Variants in NCOR1 observed in about 807,000 individuals in gnomAD.
NCOR1 encodes nuclear receptor corepressor 1.
In NCOR1, 63 loss-of-function variants were observed where a neutral mutation model predicts 288.1. That is an observed-to-expected ratio of 0.22 (90% CI 0.18 to 0.27). The LOEUF (loss-of-function observed/expected upper bound fraction) is 0.27. NCOR1 is among the 10% of genes least tolerant of loss of function. The pLI, the probability that NCOR1 is intolerant of heterozygous loss-of-function variation, is 1.00. For missense variants in NCOR1, 2,397 were observed against 3,019.2 expected (o/e 0.79, Z 4.83); for synonymous variants, 1,007 against 1,065.9 (o/e 0.94, Z 1.08).
At position 16,072,635 on chromosome 17, in the gene NCOR1, G is replaced by C. The variant is rs934804716; in HGVS notation, c.3812-407C>G. On this transcript the variant is annotated intron_variant, in intron 28 of 45. Coordinates refer to ENST00000268712, the MANE Select transcript of NCOR1 (RefSeq NM_006311.4). ...ATGTATTAAATGAAACATGCAAATT[G>C]AAACGAAAGAGTTGTAAATAACCTC... 2.0e-5 allele frequency among the ~76,000 whole-genome samples: 3 copies of C among 152,162 alleles called. No individual in the cohort carries two copies. The East Asian group carries it at 5.8e-4, about 29-fold the overall frequency.
At chr17:16,114,383 C>T (rs1349995285) in intron 18 of NCOR1, among the ~76,000 whole-genome samples, 1 of 152,148 alleles carries the variant, frequency 6.6e-6, no homozygotes, top group Non-Finnish European at 1.5e-5. Flanking sequence ...GCCCCTCCCA[C>T]ATCTCATGTC....
chr17:16,155,436 A>G (rs1016064006), intron 6 of NCOR1, among the ~76,000 whole-genome samples: 3 of 152,212 alleles, frequency 2.0e-5, no homozygotes, highest in Non-Finnish European at 2.9e-5. Context: ...GCCCAACAAT[A>G]ATCACTTTTC....
chr17:16,032,302 A>G lies in NCOR1; in HGVS notation c.7317T>C (p.Asp2439=). 6.2e-7 allele frequency: 1 copy of G among 1,611,640 alleles called. No homozygotes were observed. Among genetic ancestry groups the G allele is most frequent in the Non-Finnish European group, 8.5e-7 (1 of 1,179,190 alleles). ...SAQYETLSDS[D]D The stretch of plus-strand genomic sequence containing the variant: ...TCCCCTCACTTTGTGCAGTTCAGTC[A>G]TCACTATCCGACAGGGTCTCGTACT... The change falls in exon 46 of 46, where the codon GAT becomes GAC. Residue 2439 remains aspartate, a synonymous_variant. Transcript: ENST00000268712.
chr17:16,069,473 G>A (rs2061497736), intron 31 of NCOR1, among the ~76,000 whole-genome samples: 1 of 152,188 alleles, frequency 6.6e-6, no homozygotes, highest in South Asian at 2.1e-4. Flanking sequence ...AAAATGGTAA[G>A]TGGATGCATT....
chr17:16,144,290 C>G (rs1227580790), intron 10 of NCOR1, among the ~76,000 whole-genome samples: 1 of 152,186 alleles, frequency 6.6e-6, no homozygotes, highest in African/African-American at 2.4e-5. Context: ...TTCTTACTCA[C>G]TGTCATGTCC....
At chr17:16,197,062 C>T (rs1229995158) in intron 1 of NCOR1, among the ~76,000 whole-genome samples, 2 of 151,550 alleles carry the variant, frequency 1.3e-5, no homozygotes, top group African/African-American at 2.4e-5. Flanking sequence ...AGGCCGGGCG[C>T]GGTGGCTCAC....
At chr17:16,083,555 A>C (rs1432981671) in intron 23 of NCOR1, among the ~76,000 whole-genome samples, 3 of 151,932 alleles carry the variant, frequency 2.0e-5, no homozygotes, top group Non-Finnish European at 4.4e-5. Context: ...CAATCCCAAC[A>C]AAAATCCCAG....
chr17:16,094,397 C>G (rs567549640), intron 21 of NCOR1, among the ~76,000 whole-genome samples: 1 of 152,250 alleles, frequency 6.6e-6, no homozygotes, highest in South Asian at 2.1e-4. Flanking sequence ...ACTTTTACCA[C>G]TTATTATTTG....
intron 3 of NCOR1, among the ~76,000 whole-genome samples, chr17:16,182,179 A>G (rs2085620560): frequency 6.6e-6 from 1 of 152,190 alleles, no homozygotes. Flanking sequence ...TTGGAATAGT[A>G]TTCACATAGA....
chr17:16,091,525 T>G, intron 22 of NCOR1: 4 of 1,088,440 alleles, frequency 3.7e-6, no homozygotes, highest in Non-Finnish European at 4.6e-6. Flanking sequence ...TTGAAGGTGA[T>G]TTGCTTCAAG....
In NCOR1 at chr17:16,065,584, T is replaced by C; in HGVS notation, c.4852A>G (p.Ile1618Val). The C allele has an allele frequency of 1.9e-6, 3 of 1,614,234 alleles. No homozygotes were observed. The highest frequency in any genetic ancestry group is 2.5e-6 in the Non-Finnish European group (3 of 1,180,044). The change falls in exon 33 of 46, where the codon ATT (isoleucine) becomes GTT (valine). Residue 1618 changes from isoleucine (I) to valine (V), a missense_variant. Around this residue, in one of 11 missense-constraint regions of NCOR1, gnomAD observed 1,872 missense variants for 2,187.8 expected, o/e 0.86. Coordinates refer to ENST00000268712, the MANE Select transcript of NCOR1 (RefSeq NM_006311.4). ...TTCACTTGCATCTGTTGTGAGGTAA[T>C]GTAATCATTTAAGATTGTCTGTCTT... The part of the protein sequence containing the change: ...NTRQTILNDY[I>V]TSQQMQVNLR...
intron 5 of NCOR1, among the ~76,000 whole-genome samples, chr17:16,162,057 A>C (rs541396194): frequency 1.1e-4 from 16 of 152,300 alleles, no homozygotes; most frequent in African/African-American, 2.9e-4. Context: ...TGTTGGGCAT[A>C]TAATAAAAAT....
intron 3 of NCOR1, among the ~76,000 whole-genome samples, chr17:16,182,911 AAG>A (rs1244422482): frequency 2.6e-5 from 4 of 152,152 alleles, no homozygotes; most frequent in Non-Finnish European, 5.9e-5. Context: ...TGGTAAAAAG[AAG>A]AGAAGTAAAA....
At chr17:16,183,291 G>A (rs1440855752) in intron 3 of NCOR1, among the ~76,000 whole-genome samples, 1 of 145,966 alleles carries the variant, frequency 6.9e-6, no homozygotes, top group African/African-American at 2.5e-5. Context: ...AGTCAGAAAG[G>A]AAAAAGTAAA....
chr17:16,141,030 G>GA (rs1286308317), intron 11 of NCOR1, among the ~76,000 whole-genome samples: 1 of 145,224 alleles, frequency 6.9e-6, no homozygotes, highest in African/African-American at 2.6e-5. Flanking sequence ...CACTTGTCCT[G>GA]ATATTATGCA....
In NCOR1 at chr17:16,181,211, A is replaced by ATGTATGTGTGTGTG. The variant is rs758395387; in HGVS notation, c.242+5342_242+5343insCACACACACATACA. ...TGTGTGTGTGTATACATATATATGT[A>ATGTATGTGTGTGTG]TGTGTGTGTGTGTGTGTGTGTGTGT... On this transcript the variant is annotated intron_variant, in intron 3 of 45. Transcript: ENST00000268712. Among the ~76,000 whole-genome samples the ATGTATGTGTGTGTG allele has an allele frequency of 1.9e-4, 27 of 139,582 alleles. 1 individual carries two copies. Among genetic ancestry groups the ATGTATGTGTGTGTG allele is most frequent in the East Asian group, 1.3e-3 (6 of 4,468 alleles). The allele number at this position is 139,582 out of a possible 152,430, so 91.6% of individuals were successfully genotyped here.
intron 2 of NCOR1, 66 bp downstream of exon 2, chr17:16,194,396 A>T: frequency 9.1e-7 from 1 of 1,093,816 alleles, no homozygotes; most frequent in Non-Finnish European, 1.3e-6. Flanking sequence ...CCACATGTGT[A>T]TTAAATAGGA....
At chr17:16,163,796 C>T (rs1359075217) in intron 5 of NCOR1, among the ~76,000 whole-genome samples, 1 of 152,084 alleles carries the variant, frequency 6.6e-6, no homozygotes, top group Non-Finnish European at 1.5e-5. Flanking sequence ...ACATAGTAAA[C>T]TCACACAATG....
chr17:16,096,762 A>G (rs1307080234), intron 21 of NCOR1, among the ~76,000 whole-genome samples: 1 of 152,158 alleles, frequency 6.6e-6, no homozygotes, highest in Non-Finnish European at 1.5e-5. Flanking sequence ...TCTCTCCCAT[A>G]TGTCTTAGCA....
Sources: allele counts gnomAD v4.1 joint callset (sites outside exome capture counted in the v4.1 genomes callset), GRCh38; gene constraint gnomAD v4.1.1; regional missense constraint gnomAD v4.1.1; transcripts MANE v1.5; gene names NCBI Gene and HGNC (gene_info 2026-07-23, HGNC 2026-07-21).